Variants in DDX41 observed in about 807,000 individuals in gnomAD.
DDX41 encodes the protein probable ATP-dependent RNA helicase DDX41.
Under a neutral mutation model 78.8 loss-of-function variants are expected in DDX41, and 50 were observed. The observed-to-expected ratio is 0.63, with a 90% CI of 0.51 to 0.80. The LOEUF is 0.80. Ranked by LOEUF, DDX41 falls within the 30% of genes least tolerant of loss-of-function variation. The pLI is 0.00. For missense variants in DDX41, 633 were observed against 849.2 expected (o/e 0.75, Z 3.16); for synonymous variants, 381 against 321.5 (o/e 1.19, Z -1.98).
chr5:177,515,162 C>T (rs200056121), intron 7 of DDX41, 24 bp downstream of exon 7: 3 of 1,613,944 alleles, frequency 1.9e-6, no homozygotes, highest in Non-Finnish European at 2.5e-6. Context: ...CCTCAAGGAC[C>T]CCAGGTCCAC....
intron 6 of DDX41, 124 bp from the exon 7 acceptor site, chr5:177,515,382 G>A (rs759949947): frequency 2.2e-5 from 22 of 1,017,542 alleles, no homozygotes; most frequent in South Asian, 4.0e-5. Context: ...GAGAGAGAGA[G>A]AGAGAGTGGA....
Position 177,516,387 on chromosome 5 carries a change from C to G in DDX41, c.199G>C (p.Gly67Arg), listed in dbSNP as rs970338234. 56 of 1,613,878 alleles carry G rather than the reference C, an allele frequency of 3.5e-5. No homozygotes were observed. Among genetic ancestry groups the G allele is most frequent in the Non-Finnish European group, 4.7e-5 (56 of 1,180,038 alleles). Residue 67 changes from glycine (G) to arginine (R), a missense_variant, in exon 3 of 17, where the codon GGT (glycine) becomes CGT (arginine). By Grantham distance (125) the Gly-to-Arg change is moderately radical (BLOSUM62 -2). Transcript: ENST00000330503. ...GAAEEEQQDSGSEPRGDEDDI... is the reference protein window; with the variant it reads ...GAAEEEQQDSRSEPRGDEDDI... ...TCCTCATCTCCCCGGGGTTCACTAC[C>G]GCTGTCCTGCTGCTCTTCCTCCGCA... is the stretch of plus-strand genomic sequence containing the variant.
At position 177,513,497 on chromosome 5, in the gene DDX41, G is replaced by C; in HGVS notation, c.1099-13C>G. The C allele has an allele frequency of 6.2e-7, 1 of 1,614,076 alleles. No homozygotes were observed. On this transcript the variant is annotated splice_polypyrimidine_tract_variant and intron_variant, in intron 10 of 16. Transcript: ENST00000330503. The surrounding 1 kb of genome is among the most constrained non-coding windows in gnomAD (Gnocchi z 4.6). ...TCTGTCGCTGGCCCTGAGGAAGAGG[G>C]GGGCTGCGACCAAGGGCACACAGGG... is the stretch of plus-strand genomic sequence containing the variant.
rs191957049 is a variant in DDX41 at position 177,512,905 on chromosome 5, G to A, written c.1303-29C>T. The A allele has an allele frequency of 5.2e-5, 83 of 1,609,626 alleles. 1 individual carries two copies. In the East Asian group the frequency reaches 1.6e-3, roughly 31 times the overall value. On this transcript the variant is annotated intron_variant, in intron 12 of 16. Transcript: ENST00000330503. Reference sequence around the variant, plus strand: ...TCCGGAAAGACCAACTCCAGTCAGGGGCTAACTGCCTGGGCACCCACCGCA... The same window carrying A: ...TCCGGAAAGACCAACTCCAGTCAGGAGCTAACTGCCTGGGCACCCACCGCA...
Position 177,515,950 on chromosome 5 carries a change from T to A in DDX41, c.413A>T (p.Tyr138Phe). ...SVKEMAKGITYDDPIKTSWTP... is the reference protein window; with the variant it reads ...SVKEMAKGITFDDPIKTSWTP... ...ATACCTGGTTTTGATGGGGTCATCA[T>A]ACGTAATGCCCTTAGCCATCTCCTT... The change falls in exon 5 of 17, where the codon TAT becomes TTT. Residue 138 changes from tyrosine (Y) to phenylalanine (F), a missense_variant. Transcript: ENST00000330503. 6.2e-7 allele frequency: 1 copy of A among 1,614,134 alleles called. No individual in the cohort carries two copies. Among genetic ancestry groups the A allele is most frequent in the Non-Finnish European group, 8.5e-7 (1 of 1,179,988 alleles).
rs1032022052 is a variant in DDX41, at chr5:177,516,006, G to A, written c.374-17C>T. 2.5e-6 allele frequency: 4 copies of A among 1,614,050 alleles called. No individual in the cohort carries two copies. Among genetic ancestry groups the A allele is most frequent in the African/African-American group, 1.3e-5 (1 of 74,934 alleles). On this transcript the variant is annotated splice_polypyrimidine_tract_variant and intron_variant, in intron 4 of 16. Transcript: ENST00000330503. ...ACATCAATGCTGAAGAGAGAGACAT[G>A]GCTCAGGGCTGGCTCCTGCTTCTGA...
chr5:177,512,711 C>G (rs1761029467), intron 13 of DDX41, 66 bp from the exon 14 acceptor site: 1 of 1,612,946 alleles, frequency 6.2e-7, no homozygotes, highest in African/African-American at 1.3e-5. Context: ...GCCAACCAGG[C>G]AGGGGAAGGC....
chr5:177,516,103 C>T lies in DDX41; in HGVS notation c.373+16G>A. The T allele has an allele frequency of 1.9e-6, 3 of 1,614,070 alleles. No homozygotes were observed. Among genetic ancestry groups the T allele is most frequent in the Non-Finnish European group, 2.5e-6 (3 of 1,180,032 alleles). Reference sequence around the variant, plus strand: ...AGACTCAGTCCACCTTCTCACTATCCTGGCTACAACCATACCTCGGCCCTC... The same window carrying T: ...AGACTCAGTCCACCTTCTCACTATCTTGGCTACAACCATACCTCGGCCCTC... On this transcript the variant is annotated intron_variant, in intron 4 of 16. Coordinates refer to ENST00000330503, the MANE Select transcript of DDX41 (RefSeq NM_016222.4).
At position 177,516,579 on chromosome 5, in the gene DDX41, G is replaced by C. The variant is rs530984848; in HGVS notation, c.139-132C>G. ...GCCCTACCCCTCAGATCAAGCCGTC[G>C]GTCCCTCGTTTGTCTGGGGGCCGCG... On this transcript the variant is annotated intron_variant, in intron 2 of 16. Coordinates refer to ENST00000330503, the MANE Select transcript of DDX41 (RefSeq NM_016222.4). 205 of 1,393,152 alleles carry C rather than the reference G, an allele frequency of 1.5e-4. 1 individual carries two copies. The South Asian group carries it at 1.5e-3, about 10-fold the overall frequency. The allele number at this position is 1,393,152 out of a possible 1,614,324, so 86.3% of individuals were successfully genotyped here. A position where few individuals can be genotyped will look rare whatever the true frequency, so the allele number is the denominator to read the frequency against.
chr5:177,515,079 G>C lies in DDX41; in HGVS notation c.645-10C>G. 1 of 1,611,980 alleles carries C rather than the reference G, an allele frequency of 6.2e-7. No homozygotes were observed. Among genetic ancestry groups the C allele is most frequent in the East Asian group, 2.2e-5 (1 of 44,822 alleles). ...GTCACGGCCAGATAGACTGTTGGGAGAGGATGACCCGAGGGCCAATTTCAA... is the reference window on the plus strand; with the variant it reads ...GTCACGGCCAGATAGACTGTTGGGACAGGATGACCCGAGGGCCAATTTCAA... On this transcript the variant is annotated splice_polypyrimidine_tract_variant and intron_variant, in intron 7 of 16. Transcript: ENST00000330503.
In DDX41 at chr5:177,515,797, C is replaced by G. The variant is rs1223390612; in HGVS notation, c.459G>C (p.Leu153=). ...KTSWTPPRYV[L]SMSEERHERV... ...GCTCATGTCGCTCTTCAGACATGCT[C>G]AGAACATAACGGGGTGGAGTCCAGC... The change falls in exon 6 of 17, where the codon CTG becomes CTC. Residue 153 remains leucine, a synonymous_variant. Coordinates refer to ENST00000330503, the MANE Select transcript of DDX41 (RefSeq NM_016222.4). 4 of 1,614,062 alleles carry G rather than the reference C, an allele frequency of 2.5e-6. No individual in the cohort carries two copies. The Admixed American group carries it at 6.7e-5, about 27-fold the overall frequency.
Position 177,514,032 on chromosome 5 carries a change from A to T in DDX41, c.936-185T>A. The T allele has an allele frequency of 1.4e-6, 1 of 716,594 alleles. No individual in the cohort carries two copies. The allele number at this position is 716,594 out of a possible 1,614,324, so 44.4% of individuals were successfully genotyped here. On this transcript the variant is annotated intron_variant, in intron 9 of 16. Transcript: ENST00000330503. This position sits in a 1 kb window ranked among gnomAD's most constrained non-coding sequence, Gnocchi z 4.2. ...AGCTCTTTCCCAAGGCACTGCAGCC[A>T]TCTTCACCACCGCTCGGCCTGGCGC...
At position 177,511,622 on chromosome 5, in the gene DDX41, C is replaced by T; in HGVS notation, c.*169G>A. 7.5e-6 allele frequency: 7 copies of T among 935,066 alleles called. No homozygotes were observed. In the South Asian group the frequency reaches 8.4e-5, roughly 11 times the overall value. 57.9% of individuals were successfully genotyped at this position (935,066 alleles called of 1,614,324 possible). ...TAATGGCAGCTGGGGTAAAAGGAAA[C>T]AAAAACAGTAATTCTGAAGAGCACA... On this transcript the variant is annotated 3_prime_UTR_variant, in exon 17 of 17. Transcript: ENST00000330503.
At position 177,514,655 on chromosome 5, in the gene DDX41, G is replaced by C; in HGVS notation, c.935+46C>G. On this transcript the variant is annotated intron_variant, in intron 9 of 16. Coordinates refer to ENST00000330503, the MANE Select transcript of DDX41 (RefSeq NM_016222.4). This position sits in a 1 kb window ranked among gnomAD's most constrained non-coding sequence, Gnocchi z 4.2. ...TAAAGGGTCCTTTAGCTTTTCCACA[G>C]ACTCGCAGGTGGCAGAGGTGGGGGG... 2.5e-6 allele frequency: 4 copies of C among 1,582,458 alleles called. No individual in the cohort carries two copies. The highest frequency in any genetic ancestry group is 3.4e-6 in the Non-Finnish European group (4 of 1,162,652).
In DDX41 at chr5:177,513,219, G is replaced by C. The variant is rs1436416076; in HGVS notation, c.1230+134C>G. On this transcript the variant is annotated intron_variant, in intron 11 of 16. Coordinates refer to ENST00000330503, the MANE Select transcript of DDX41 (RefSeq NM_016222.4). This position sits in a 1 kb window ranked among gnomAD's most constrained non-coding sequence, Gnocchi z 4.6. ...GGGCTGGTGCCCTAAAAATGGCCCT[G>C]GTTAAGCGTCAGGGGCTTTGAATGA... The C allele has an allele frequency of 6.5e-7, 1 of 1,531,020 alleles. No homozygotes were observed. Among genetic ancestry groups the C allele is most frequent in the African/African-American group, 1.4e-5 (1 of 72,644 alleles). 94.8% of individuals were successfully genotyped at this position (1,531,020 alleles called of 1,614,324 possible).
chr5:177,511,784 T>C lies in DDX41; in HGVS notation c.*7A>G. 6.2e-7 allele frequency: 1 copy of C among 1,613,954 alleles called. No homozygotes were observed. Among genetic ancestry groups the C allele is most frequent in the Non-Finnish European group, 8.5e-7 (1 of 1,179,906 alleles). On this transcript the variant is annotated 3_prime_UTR_variant, in exon 17 of 17. Coordinates refer to ENST00000330503, the MANE Select transcript of DDX41 (RefSeq NM_016222.4). Reference sequence around the variant, plus strand: ...AGGCCTCTTGGAGAGAAGGGAAGACTGTCGGCTCAGAAGTCCATGGAGCTG... The same window carrying C: ...AGGCCTCTTGGAGAGAAGGGAAGACCGTCGGCTCAGAAGTCCATGGAGCTG...
intron 3 of DDX41, 28 bp downstream of exon 3, chr5:177,516,260 C>G: frequency 6.2e-7 from 1 of 1,614,162 alleles, no homozygotes; most frequent in Non-Finnish European, 8.5e-7. Context: ...CTTCTTCTTT[C>G]TCGCCCAGGC....
At position 177,513,160 on chromosome 5, in the gene DDX41, G is replaced by A. The variant is rs1044023884; in HGVS notation, c.1231-78C>T. ...CAGCCCTGCCATGGCCCGTCATCTG[G>A]ACCAGGAGGTGACCAGAAGCCTCTG... is the stretch of plus-strand genomic sequence containing the variant. On this transcript the variant is annotated intron_variant, in intron 11 of 16. Coordinates refer to ENST00000330503, the MANE Select transcript of DDX41 (RefSeq NM_016222.4). This position sits in a 1 kb window ranked among gnomAD's most constrained non-coding sequence, Gnocchi z 4.6. 6.4e-7 allele frequency: 1 copy of A among 1,551,842 alleles called. No individual in the cohort carries two copies. Among genetic ancestry groups the A allele is most frequent in the African/African-American group, 1.4e-5 (1 of 73,712 alleles).
chr5:177,511,975 T>C (rs374051167), intron 16 of DDX41, 48 bp from the exon 17 acceptor site: 43 of 1,608,716 alleles, frequency 2.7e-5, no homozygotes, highest in Non-Finnish European at 3.7e-5. Flanking sequence ...CCAGGATCCA[T>C]GCCCTGGACT....
Sources: gnomAD v4.1 joint callset for allele counts on GRCh38, gnomAD v4.1.1 for gene constraint, Gnocchi (gnomAD v3.1) non-coding constraint, MANE v1.5 for transcripts, NCBI Gene and HGNC (gene_info 2026-07-23, HGNC 2026-07-21) for gene names.